OR5K3: variants seen among roughly 807,000 people sequenced by gnomAD.
OR5K3 encodes olfactory receptor family 5 subfamily K member 3, also known as olfactory receptor 5K3.
For synonymous variants in OR5K3, 178 were observed against 132.6 expected (o/e 1.34, Z -2.35); for missense variants, 498 against 383.2 (o/e 1.30, Z -2.50).
chr3:98,391,462 G>A lies in OR5K3; in HGVS notation c.797G>A (p.Gly266Glu), dbSNP rs73854831. The change falls in exon 1 of 1, where the codon GGG (glycine) becomes GAG (glutamate). Residue 266 changes from glycine (G) to glutamate (E), a missense_variant. By Grantham distance (98) the Gly-to-Glu change is moderately conservative. Coordinates refer to ENST00000383695, the MANE Select transcript of OR5K3 (RefSeq NM_001005516.1). ...GCTCGACCAGGTGCAGTTAATGAAG[G>A]GGATAAAGATATACCTGTTGCTATA... is the stretch of plus-strand genomic sequence containing the variant. The part of the protein sequence containing the change: ...MYARPGAVNE[G>E]DKDIPVAIFY... The A allele has an allele frequency of 3.1e-4, 486 of 1,563,208 alleles. No homozygotes were observed. The highest frequency in any genetic ancestry group is 5.1e-4 in the Admixed American group (30 of 58,790).
rs149929603 is a variant in OR5K3, at chr3:98,391,255, T to G, written c.590T>G (p.Leu197Trp). ...LSCINPYINE[L>W]VLFILAGSIQ... ...TGTATTAACCCTTATATCAATGAATTGGTGTTATTTATCTTGGCAGGATCA... is the reference window on the plus strand; with the variant it reads ...TGTATTAACCCTTATATCAATGAATGGGTGTTATTTATCTTGGCAGGATCA... The change falls in exon 1 of 1, where the codon TTG becomes TGG. Residue 197 changes from leucine (L) to tryptophan (W), a missense_variant. Physicochemically the swap from Leu to Trp is moderately conservative, Grantham distance 61. Transcript: ENST00000383695. 2.1e-5 allele frequency: 33 copies of G among 1,609,104 alleles called. No homozygotes were observed. Among genetic ancestry groups the G allele is most frequent in the African/African-American group, 2.7e-5 (2 of 74,722 alleles).
Position 98,390,779 on chromosome 3 carries a change from C to G in OR5K3, c.114C>G (p.Thr38=). 1 of 1,614,118 alleles carries G rather than the reference C, an allele frequency of 6.2e-7. No homozygotes were observed. The highest frequency in any genetic ancestry group is 8.5e-7 in the Non-Finnish European group (1 of 1,180,002). ...FVVFFAIYLI[T]MVGNIGLVAL... ...TGTTCTTTGCCATCTATCTGATCAC[C>G]ATGGTGGGGAACATTGGTTTGGTGG... is the stretch of plus-strand genomic sequence containing the variant. The change falls in exon 1 of 1, where the codon ACC becomes ACG. Residue 38 remains threonine, a synonymous_variant. Transcript: ENST00000383695.
In OR5K3 at chr3:98,391,209, C is replaced by T. The variant is rs753560241; in HGVS notation, c.544C>T (p.Leu182Phe). 6.2e-7 allele frequency: 1 copy of T among 1,612,634 alleles called. No homozygotes were observed. Among genetic ancestry groups the T allele is most frequent in the Non-Finnish European group, 8.5e-7 (1 of 1,178,808 alleles). Reference sequence around the variant, plus strand: ...AATCAATCATTTTTTCTGTGATGTTCTTCCATTATATAGACTTTCTTGTAT... The same window carrying T: ...AATCAATCATTTTTTCTGTGATGTTTTTCCATTATATAGACTTTCTTGTAT... The part of the protein sequence containing the change: ...HQINHFFCDV[L>F]PLYRLSCINP... The change falls in exon 1 of 1, where the codon CTT becomes TTT. Residue 182 changes from leucine (L) to phenylalanine (F), a missense_variant. Physicochemically the swap from Leu to Phe is conservative, Grantham distance 22 (BLOSUM62 0). Coordinates refer to ENST00000383695, the MANE Select transcript of OR5K3 (RefSeq NM_001005516.1).
rs200933093 is a variant in OR5K3 at position 98,391,145 on chromosome 3, A to G, written c.480A>G (p.Val160=). 2 of 1,614,164 alleles carry G rather than the reference A, an allele frequency of 1.2e-6. No homozygotes were observed. The highest frequency in any genetic ancestry group is 2.2e-5 in the East Asian group (1 of 44,880). Residue 160 remains valine, a synonymous_variant, in exon 1 of 1, where the codon GTA becomes GTG. Transcript: ENST00000383695. The part of the protein sequence containing the change: ...LAGNLHPMIE[V]EFLLRLTFCG... ...GCAACCTGCATCCCATGATTGAAGT[A>G]GAGTTTCTGTTGAGGTTAACTTTCT...
In OR5K3 at chr3:98,390,901, C is replaced by T. The variant is rs763478231; in HGVS notation, c.236C>T (p.Pro79Leu). The T allele has an allele frequency of 1.2e-5, 20 of 1,614,090 alleles. No homozygotes were observed. Among genetic ancestry groups the T allele is most frequent in the Middle Eastern group, 1.6e-4 (1 of 6,084 alleles). Reference sequence around the variant, plus strand: ...TCCTGCTGTTCCTCTGCTATTACTCCCAAGATGTTAGAGAACTTCTTTTCT... The same window carrying T: ...TCCTGCTGTTCCTCTGCTATTACTCTCAAGATGTTAGAGAACTTCTTTTCT... Reference protein sequence around the residue: ...MDSCCSSAITPKMLENFFSED... With the variant: ...MDSCCSSAITLKMLENFFSED... Residue 79 changes from proline to leucine, a missense_variant, in exon 1 of 1, where the codon CCC (proline) becomes CTC (leucine). Transcript: ENST00000383695.
rs751788361 is a variant in OR5K3, at chr3:98,390,894, A to G, written c.229A>G (p.Ile77Val). The G allele has an allele frequency of 1.2e-6, 2 of 1,614,210 alleles. No homozygotes were observed. The highest frequency in any genetic ancestry group is 2.2e-5 in the South Asian group (2 of 91,086). ...GATGGATTCCTGCTGTTCCTCTGCTATTACTCCCAAGATGTTAGAGAACTT... is the reference window on the plus strand; with the variant it reads ...GATGGATTCCTGCTGTTCCTCTGCTGTTACTCCCAAGATGTTAGAGAACTT... Reference protein sequence around the residue: ...VLMDSCCSSAITPKMLENFFS... With the variant: ...VLMDSCCSSAVTPKMLENFFS... The change falls in exon 1 of 1, where the codon ATT (isoleucine) becomes GTT (valine). Residue 77 changes from isoleucine (I) to valine (V), a missense_variant. Coordinates refer to ENST00000383695, the MANE Select transcript of OR5K3 (RefSeq NM_001005516.1).
chr3:98,390,711 G>A lies in OR5K3; in HGVS notation c.46G>A (p.Gly16Arg), dbSNP rs752948080. Reference protein sequence around the residue: ...HSLIAEFILTGFTYHPKLKTV... With the variant: ...HSLIAEFILTRFTYHPKLKTV... ...CTTGATAGCTGAGTTCATCCTCACA[G>A]GATTTACATATCATCCAAAGCTGAA... is the stretch of plus-strand genomic sequence containing the variant. The change falls in exon 1 of 1, where the codon GGA (glycine) becomes AGA (arginine). Residue 16 changes from glycine to arginine, a missense_variant. By Grantham distance (125) the Gly-to-Arg change is moderately radical (BLOSUM62 -2). Coordinates refer to ENST00000383695, the MANE Select transcript of OR5K3 (RefSeq NM_001005516.1). The A allele has an allele frequency of 9.3e-6, 15 of 1,614,074 alleles. 1 individual carries two copies. Among genetic ancestry groups the A allele is most frequent in the East Asian group, 6.7e-5 (3 of 44,876 alleles).
chr3:98,390,872 G>T lies in OR5K3; in HGVS notation c.207G>T (p.Met69Ile). ...TATTTTTAGGCAACCTAGTTCTGAT[G>T]GATTCCTGCTGTTCCTCTGCTATTA... ...MYIFLGNLVL[M>I]DSCCSSAITP... The change falls in exon 1 of 1, where the codon ATG (methionine) becomes ATT (isoleucine). Residue 69 changes from methionine to isoleucine, a missense_variant. Transcript: ENST00000383695. 2 of 1,614,180 alleles carry T rather than the reference G, an allele frequency of 1.2e-6. No individual in the cohort carries two copies. The highest frequency in any genetic ancestry group is 1.7e-6 in the Non-Finnish European group (2 of 1,180,030).
At position 98,390,998 on chromosome 3, in the gene OR5K3, C is replaced by G. The variant is rs774720084; in HGVS notation, c.333C>G (p.Asp111Glu). The stretch of plus-strand genomic sequence containing the variant: ...TTCTCTGTCTTGCTGAAACTACAGA[C>G]TGCTTTCTTCTGGCGGCAATGGCCT... ...FYFLCLAETT[D>E]CFLLAAMAYD... Residue 111 changes from aspartate (D) to glutamate (E), a missense_variant, in exon 1 of 1, where the codon GAC becomes GAG. Asp to Glu is a conservative substitution (Grantham distance 45). Transcript: ENST00000383695. The G allele has an allele frequency of 5.6e-6, 9 of 1,614,110 alleles. No individual in the cohort carries two copies. In the African/African-American group the frequency reaches 1.1e-4, roughly 19 times the overall value.
chr3:98,390,988 A>G lies in OR5K3; in HGVS notation c.323A>G (p.Glu108Gly). 1 of 1,614,230 alleles carries G rather than the reference A, an allele frequency of 6.2e-7. No homozygotes were observed. Reference sequence around the variant, plus strand: ...CAATTTTATTTTCTCTGTCTTGCTGAAACTACAGACTGCTTTCTTCTGGCG... The same window carrying G: ...CAATTTTATTTTCTCTGTCTTGCTGGAACTACAGACTGCTTTCTTCTGGCG... ...MAQFYFLCLA[E>G]TTDCFLLAAM... The change falls in exon 1 of 1, where the codon GAA becomes GGA. Residue 108 changes from glutamate (E) to glycine (G), a missense_variant. By Grantham distance (98) the Glu-to-Gly change is moderately conservative. Transcript: ENST00000383695.
chr3:98,390,765 A>T lies in OR5K3; in HGVS notation c.100A>T (p.Ile34Phe). The part of the protein sequence containing the change: ...KTVLFVVFFA[I>F]YLITMVGNIG... ...TGTTCTGTTTGTGGTGTTCTTTGCC[A>T]TCTATCTGATCACCATGGTGGGGAA... Residue 34 changes from isoleucine (I) to phenylalanine (F), a missense_variant, in exon 1 of 1, where the codon ATC becomes TTC. Coordinates refer to ENST00000383695, the MANE Select transcript of OR5K3 (RefSeq NM_001005516.1). 6.2e-7 allele frequency: 1 copy of T among 1,614,176 alleles called. No individual in the cohort carries two copies. The highest frequency in any genetic ancestry group is 8.5e-7 in the Non-Finnish European group (1 of 1,180,010).
Position 98,391,124 on chromosome 3 carries a change from C to T in OR5K3, c.459C>T (p.Asn153=). The T allele has an allele frequency of 1.2e-6, 2 of 1,614,162 alleles. No homozygotes were observed. Among genetic ancestry groups the T allele is most frequent in the South Asian group, 2.2e-5 (2 of 91,088 alleles). The stretch of plus-strand genomic sequence containing the variant: ...CTGCAGGAGCCTACCTAGCTGGCAA[C>T]CTGCATCCCATGATTGAAGTAGAGT... ...QMTAGAYLAG[N]LHPMIEVEFL... The change falls in exon 1 of 1, where the codon AAC becomes AAT. Residue 153 remains asparagine (N), a synonymous_variant. Coordinates refer to ENST00000383695, the MANE Select transcript of OR5K3 (RefSeq NM_001005516.1).
Position 98,390,933 on chromosome 3 carries a change from A to C in OR5K3, c.268A>C (p.Lys90Gln). 6.2e-7 allele frequency: 1 copy of C among 1,614,228 alleles called. No individual in the cohort carries two copies. The highest frequency in any genetic ancestry group is 8.5e-7 in the Non-Finnish European group (1 of 1,180,042). The stretch of plus-strand genomic sequence containing the variant: ...GTTAGAGAACTTCTTTTCTGAGGAC[A>C]AAAGGATTACCCTGTATGAATGTAT... ...KMLENFFSED[K>Q]RITLYECMAQ... The change falls in exon 1 of 1, where the codon AAA (lysine) becomes CAA (glutamine). Residue 90 changes from lysine to glutamine, a missense_variant. Transcript: ENST00000383695.
chr3:98,391,034 T>C lies in OR5K3; in HGVS notation c.369T>C (p.Tyr123=). 1 of 1,614,216 alleles carries C rather than the reference T, an allele frequency of 6.2e-7. No individual in the cohort carries two copies. The highest frequency in any genetic ancestry group is 8.5e-7 in the Non-Finnish European group (1 of 1,180,022). ...TGGCGGCAATGGCCTATGACTGCTATGTGGCCATATGCAACCCACTGCAGT... is the reference window on the plus strand; with the variant it reads ...TGGCGGCAATGGCCTATGACTGCTACGTGGCCATATGCAACCCACTGCAGT... ...FLLAAMAYDC[Y]VAICNPLQYH... Residue 123 remains tyrosine, a synonymous_variant, in exon 1 of 1, where the codon TAT becomes TAC. Coordinates refer to ENST00000383695, the MANE Select transcript of OR5K3 (RefSeq NM_001005516.1).
rs1707465983 is a variant in OR5K3, at chr3:98,391,225, T to G, written c.560T>G (p.Leu187Arg). ...TGTGATGTTCTTCCATTATATAGAC[T>G]TTCTTGTATTAACCCTTATATCAAT... The part of the protein sequence containing the change: ...FFCDVLPLYR[L>R]SCINPYINEL... Residue 187 changes from leucine to arginine, a missense_variant, in exon 1 of 1, where the codon CTT becomes CGT. By Grantham distance (102) the Leu-to-Arg change is moderately radical. Coordinates refer to ENST00000383695, the MANE Select transcript of OR5K3 (RefSeq NM_001005516.1). The G allele has an allele frequency of 6.2e-7, 1 of 1,611,928 alleles. No individual in the cohort carries two copies.
rs1707464990 is a variant in OR5K3, at chr3:98,391,159, G to C, written c.494G>C (p.Arg165Thr). 1.2e-6 allele frequency: 2 copies of C among 1,614,090 alleles called. No homozygotes were observed. The highest frequency in any genetic ancestry group is 1.7e-6 in the Non-Finnish European group (2 of 1,180,010). Residue 165 changes from arginine to threonine, a missense_variant, in exon 1 of 1, where the codon AGG (arginine) becomes ACG (threonine). By Grantham distance (71) the Arg-to-Thr change is moderately conservative (BLOSUM62 -1). Coordinates refer to ENST00000383695, the MANE Select transcript of OR5K3 (RefSeq NM_001005516.1). ...ATGATTGAAGTAGAGTTTCTGTTGA[G>C]GTTAACTTTCTGTGGGTCTCATCAA... The part of the protein sequence containing the change: ...HPMIEVEFLL[R>T]LTFCGSHQIN...
At position 98,391,258 on chromosome 3, in the gene OR5K3, T is replaced by G; in HGVS notation, c.593T>G (p.Val198Gly). Residue 198 changes from valine (V) to glycine (G), a missense_variant, in exon 1 of 1, where the codon GTG becomes GGG. By Grantham distance (109) the Val-to-Gly change is moderately radical. Transcript: ENST00000383695. The part of the protein sequence containing the change: ...SCINPYINEL[V>G]LFILAGSIQI... ...ATTAACCCTTATATCAATGAATTGG[T>G]GTTATTTATCTTGGCAGGATCAATT... is the stretch of plus-strand genomic sequence containing the variant. 6.2e-7 allele frequency: 1 copy of G among 1,608,970 alleles called. No homozygotes were observed. Among genetic ancestry groups the G allele is most frequent in the Non-Finnish European group, 8.5e-7 (1 of 1,175,772 alleles).
Position 98,390,814 on chromosome 3 carries a change from A to G in OR5K3, c.149A>G (p.Tyr50Cys), listed in dbSNP as rs893570493. 1.9e-6 allele frequency: 3 copies of G among 1,614,068 alleles called. No homozygotes were observed. In the African/African-American group the frequency reaches 4.0e-5, roughly 22 times the overall value. Residue 50 changes from tyrosine (Y) to cysteine (C), a missense_variant, in exon 1 of 1, where the codon TAT (tyrosine) becomes TGT (cysteine). Coordinates refer to ENST00000383695, the MANE Select transcript of OR5K3 (RefSeq NM_001005516.1). ...AACATTGGTTTGGTGGCATTGATTTATATAGAGCAACGTCTTCACACACCA... is the reference window on the plus strand; with the variant it reads ...AACATTGGTTTGGTGGCATTGATTTGTATAGAGCAACGTCTTCACACACCA... The part of the protein sequence containing the change: ...VGNIGLVALI[Y>C]IEQRLHTPMY...
At position 98,390,800 on chromosome 3, in the gene OR5K3, G is replaced by T. The variant is rs771889708; in HGVS notation, c.135G>T (p.Leu45Phe). 8.7e-6 allele frequency: 14 copies of T among 1,614,036 alleles called. No individual in the cohort carries two copies. The East Asian group carries it at 2.7e-4, about 31-fold the overall frequency. Residue 45 changes from leucine to phenylalanine, a missense_variant, in exon 1 of 1, where the codon TTG becomes TTT. Coordinates refer to ENST00000383695, the MANE Select transcript of OR5K3 (RefSeq NM_001005516.1). Reference protein sequence around the residue: ...YLITMVGNIGLVALIYIEQRL... With the variant: ...YLITMVGNIGFVALIYIEQRL... ...TCACCATGGTGGGGAACATTGGTTT[G>T]GTGGCATTGATTTATATAGAGCAAC...
Sources: allele counts gnomAD v4.1 joint callset, GRCh38; gene constraint gnomAD v4.1.1; transcripts MANE v1.5; gene names NCBI Gene and HGNC (gene_info 2026-07-23, HGNC 2026-07-21).